KCNB2: variants seen among roughly 807,000 people sequenced by gnomAD.
The protein encoded by KCNB2 is delayed rectifier potassium channel protein.
A neutral mutation model predicts 61.5 loss-of-function variants in KCNB2; 15 were observed. That is an observed-to-expected ratio of 0.24 (90% CI 0.16 to 0.38). The LOEUF is 0.38. Ranked by LOEUF, KCNB2 falls within the 10% of genes least tolerant of loss-of-function variation. KCNB2 has a pLI of 1.00. For missense variants in KCNB2, 828 were observed against 1,125.2 expected, an observed-to-expected ratio of 0.74 and a Z score of 3.78; for synonymous variants, 457 against 446.0, an observed-to-expected ratio of 1.02 and a Z score of -0.31.
chr8:72,623,166 G>T (rs534253407), intron 2 of KCNB2, among the ~76,000 whole-genome samples: 1 of 152,186 alleles, frequency 6.6e-6, no homozygotes, highest in African/African-American at 2.4e-5. Flanking sequence ...GTCAATCAGT[G>T]TTGAGGTTAA....
Position 72,716,689 on chromosome 8 carries a change from A to C in KCNB2, c.579+148376A>C, listed in dbSNP as rs1315786956. Among the ~76,000 whole-genome samples, 1,309 of 152,232 alleles carry C rather than the reference A, an allele frequency of 8.6e-3. 10 individuals are homozygous for C. The highest frequency in any genetic ancestry group is 0.03 in the African/African-American group (1,250 of 41,524). On this transcript the variant is annotated intron_variant, in intron 2 of 2. Transcript: ENST00000523207. ...AAAATAATAAGAGCTATCTATGACA[A>C]ACCCACAGCCAATATCATACTGAAT...
At chr8:72,556,761 G>T (rs557841553) in intron 1 of KCNB2, among the ~76,000 whole-genome samples, 1 of 152,116 alleles carries the variant, frequency 6.6e-6, no homozygotes, top group Admixed American at 6.6e-5. Context: ...ATGCTATGCC[G>T]AGTGTCCCAA....
chr8:72,635,508 C>A (rs1805950053), intron 2 of KCNB2, among the ~76,000 whole-genome samples: 1 of 152,116 alleles, frequency 6.6e-6, no homozygotes, highest in Non-Finnish European at 1.5e-5. Flanking sequence ...GAATATGAAG[C>A]CCAGTGTCGA....
At chr8:72,568,423 C>A in intron 2 of KCNB2, 110 bp downstream of exon 2, 2 of 883,960 alleles carry the variant, frequency 2.3e-6, no homozygotes, top group Non-Finnish European at 3.5e-6. Flanking sequence ...CAAAGTGTGG[C>A]TACACAGACA....
intron 2 of KCNB2, among the ~76,000 whole-genome samples, chr8:72,592,799 G>T (rs1424252139): frequency 1.3e-5 from 2 of 152,078 alleles, no homozygotes; most frequent in Non-Finnish European, 2.9e-5. Flanking sequence ...AGACTTTTGT[G>T]CACTAAGCTT....
chr8:72,689,880 T>C (rs1585831961), intron 2 of KCNB2, among the ~76,000 whole-genome samples: 1 of 152,330 alleles, frequency 6.6e-6, no homozygotes, highest in African/African-American at 2.4e-5. Flanking sequence ...GTCTGGCTTA[T>C]GTTTTGCATT....
chr8:72,703,967 T>A (rs1274978110), intron 2 of KCNB2, among the ~76,000 whole-genome samples: 5 of 152,146 alleles, frequency 3.3e-5, no homozygotes, highest in Non-Finnish European at 7.4e-5. Context: ...GTAAACATAG[T>A]AGATGAAGTT....
chr8:72,575,007 G>A (rs1007481657), intron 2 of KCNB2, among the ~76,000 whole-genome samples: 1 of 152,134 alleles, frequency 6.6e-6, no homozygotes, highest in African/African-American at 2.4e-5. Context: ...TTAAAAGGAA[G>A]AAGACAAACA....
chr8:72,635,737 G>C (rs187680486), intron 2 of KCNB2, among the ~76,000 whole-genome samples: 8 of 152,292 alleles, frequency 5.3e-5, no homozygotes, highest in Admixed American at 4.6e-4. Flanking sequence ...ATATAAAGAA[G>C]AGAAGGTAAA....
At chr8:72,675,077 G>A (rs550512710) in intron 2 of KCNB2, among the ~76,000 whole-genome samples, 18 of 152,152 alleles carry the variant, frequency 1.2e-4, no homozygotes, top group Middle Eastern at 3.4e-3. Flanking sequence ...ACTAAATGTA[G>A]AAATGACTAA....
At chr8:72,822,708 G>T (rs1809531500) in intron 2 of KCNB2, among the ~76,000 whole-genome samples, 1 of 152,094 alleles carries the variant, frequency 6.6e-6, no homozygotes, top group Non-Finnish European at 1.5e-5. Context: ...CTCTTTAATG[G>T]TTTTCTACTA....
intron 2 of KCNB2, among the ~76,000 whole-genome samples, chr8:72,667,006 TGA>T (rs1554582835): frequency 4.7e-5 from 7 of 147,934 alleles, no homozygotes; most frequent in South Asian, 4.3e-4. Context: ...TGTGTGTGTG[TGA>T]GAGAGAGAGA....
intron 2 of KCNB2, among the ~76,000 whole-genome samples, chr8:72,606,445 T>G (rs1805451806): frequency 6.6e-6 from 1 of 152,248 alleles, no homozygotes; most frequent in South Asian, 2.1e-4. Flanking sequence ...AAAGTTCTAA[T>G]TATTATCTCT....
chr8:72,572,836 A>C (rs1027805811), intron 2 of KCNB2, among the ~76,000 whole-genome samples: 1 of 152,162 alleles, frequency 6.6e-6, no homozygotes, highest in African/African-American at 2.4e-5. Context: ...TCCCCTTGAA[A>C]ATGCATGGGA....
At chr8:72,644,360 A>G (rs1174199382) in intron 2 of KCNB2, among the ~76,000 whole-genome samples, 5 of 152,066 alleles carry the variant, frequency 3.3e-5, no homozygotes, top group East Asian at 1.9e-4. Context: ...CTGGATTTCT[A>G]TCCTATGCTA....
chr8:72,812,983 G>A (rs994937709), intron 2 of KCNB2, among the ~76,000 whole-genome samples: 6 of 152,212 alleles, frequency 3.9e-5, no homozygotes, highest in African/African-American at 1.2e-4. Flanking sequence ...TAACTATATG[G>A]TAAAATTCCC....
chr8:72,785,125 T>G (rs1447557440), intron 2 of KCNB2, among the ~76,000 whole-genome samples: 1 of 152,184 alleles, frequency 6.6e-6, no homozygotes, highest in Non-Finnish European at 1.5e-5. Flanking sequence ...AAAAATAATT[T>G]GAGTAGATAA....
Position 72,561,709 on chromosome 8 carries a change from ATATATATATATATATATAT to A in KCNB2, c.-93-5932_-93-5914del, listed in dbSNP as rs1806518603. Among the ~76,000 whole-genome samples the A allele has an allele frequency of 2.3e-4, 5 of 21,686 alleles. 1 individual carries two copies. The highest frequency in any genetic ancestry group is 2.9e-3 in the East Asian group (1 of 344). The allele number at this position is 21,686 out of a possible 152,430, so 14.2% of individuals were successfully genotyped here. A position where few individuals can be genotyped will look rare whatever the true frequency, so the allele number is the denominator to read the frequency against. ...CTTACTTTTATATATATATATATAT[ATATATATATATATATATAT>A]CTATATCTATATATATATGTATATA... On this transcript the variant is annotated intron_variant, in intron 1 of 2. Coordinates refer to ENST00000523207, the MANE Select transcript of KCNB2 (RefSeq NM_004770.3).
chr8:72,832,990 A>G (rs1809724066), intron 2 of KCNB2, among the ~76,000 whole-genome samples: 1 of 152,232 alleles, frequency 6.6e-6, no homozygotes, highest in Non-Finnish European at 1.5e-5. Flanking sequence ...AGAAAGATAC[A>G]TAGGAGACCT....
Sources: gnomAD v4.1 joint callset for allele counts (sites outside exome capture counted in the v4.1 genomes callset) on GRCh38, gnomAD v4.1.1 for gene constraint, MANE v1.5 for transcripts, NCBI Gene and HGNC (gene_info 2026-07-23, HGNC 2026-07-21) for gene names.